The following REV1 variants were observed in gnomAD, a reference collection of about 807,000 sequenced individuals.
REV1 encodes translesion synthesis protein REV1.
In REV1, 42 loss-of-function variants were observed where a neutral mutation model predicts 137.4. The ratio of observed to expected loss-of-function variants is 0.31; its 90% CI spans 0.24 to 0.40. The LOEUF is 0.40. REV1 is among the 10% of genes least tolerant of loss of function. The probability of loss-of-function intolerance (pLI) is 1.00; values close to 1 mark genes in which losing one functional copy is unlikely to be tolerated. For missense variants in REV1, 1,282 were observed against 1,490.1 expected (o/e 0.86, Z 2.30); for synonymous variants, 524 against 519.2 (o/e 1.01, Z -0.12).
At chr2:99,409,668 A>T (rs1204682160) in intron 14 of REV1, among the ~76,000 whole-genome samples, 1 of 152,036 alleles carries the variant, frequency 6.6e-6, no homozygotes, top group Non-Finnish European at 1.5e-5. Context: ...ACATAGTGAA[A>T]CCCTATCTCT....
At chr2:99,453,296 T>C (rs1301353217) in intron 3 of REV1, among the ~76,000 whole-genome samples, 3 of 150,780 alleles carry the variant, frequency 2.0e-5, no homozygotes, top group African/African-American at 2.4e-5. Context: ...GAGGTAGAGG[T>C]TGCAATGAGC....
chr2:99,430,868 T>A (rs1416059568), intron 8 of REV1, among the ~76,000 whole-genome samples: 1 of 151,762 alleles, frequency 6.6e-6, no homozygotes, highest in Non-Finnish European at 1.5e-5. Context: ...AAAAAAAAAA[T>A]CACATTCTAA....
rs569622818 is a variant in REV1 at position 99,403,979 on chromosome 2, TAGAGCAAGAATAAGGAATTA to T, written c.3046-184_3046-165del. 5.5e-3 allele frequency among the ~76,000 whole-genome samples: 841 copies of T among 152,310 alleles called. 9 individuals are homozygous for T. Among genetic ancestry groups the T allele is most frequent in the African/African-American group, 0.019 (787 of 41,562 alleles). ...AAGCTGATTAAATCTTCAAAATGGT[TAGAGCAAGAATAAGGAATTA>T]AGAGCAAGAATAAGGAATTAAGAGT... On this transcript the variant is annotated intron_variant, in intron 18 of 22. Coordinates refer to ENST00000258428, the MANE Select transcript of REV1 (RefSeq NM_016316.4).
At chr2:99,477,991 G>C (rs1335100202) in intron 1 of REV1, among the ~76,000 whole-genome samples, 3 of 152,216 alleles carry the variant, frequency 2.0e-5, no homozygotes, top group Non-Finnish European at 4.4e-5. Flanking sequence ...CCAAGACTTT[G>C]GGAGGCCAAG....
chr2:99,456,800 T>C (rs1313863942), intron 3 of REV1, among the ~76,000 whole-genome samples: 2 of 152,206 alleles, frequency 1.3e-5, no homozygotes, highest in African/African-American at 4.8e-5. Context: ...TCTTAATGAA[T>C]GAATATACTT....
chr2:99,412,093 C>T (rs28382945), intron 13 of REV1, among the ~76,000 whole-genome samples: 25,025 of 151,214 alleles, frequency 0.17, 2,608 homozygotes, highest in African/African-American at 0.28. Flanking sequence ...ATTAGCCGGG[C>T]GTGGTGGCGG....
intron 1 of REV1, among the ~76,000 whole-genome samples, chr2:99,465,753 T>C (rs928695649): frequency 1.3e-5 from 2 of 152,198 alleles, no homozygotes; most frequent in Non-Finnish European, 2.9e-5. Flanking sequence ...TAATATGACT[T>C]CTATTAAGAT....
intron 1 of REV1, among the ~76,000 whole-genome samples, chr2:99,485,535 C>A (rs993928631): frequency 6.6e-6 from 1 of 152,168 alleles, no homozygotes; most frequent in Non-Finnish European, 1.5e-5. Context: ...TCTGAAGACA[C>A]GAAGCCTCCA....
At chr2:99,462,868 A>C (rs1402160205) in intron 2 of REV1, 1 of 323,286 alleles carries the variant, frequency 3.1e-6, no homozygotes, top group Non-Finnish European at 5.5e-6. Flanking sequence ...CAGGCGGATC[A>C]CCTGAGATCA....
At chr2:99,457,785 T>C (rs983160368) in intron 3 of REV1, among the ~76,000 whole-genome samples, 1 of 151,980 alleles carries the variant, frequency 6.6e-6, no homozygotes, top group Non-Finnish European at 1.5e-5. Context: ...CTACCTGATA[T>C]CAAGGCTTAC....
chr2:99,432,929 C>G (rs1344681274), intron 8 of REV1, among the ~76,000 whole-genome samples: 1 of 152,108 alleles, frequency 6.6e-6, no homozygotes, highest in Non-Finnish European at 1.5e-5. Flanking sequence ...GGAATGTGAG[C>G]TTGTCAAGGT....
At chr2:99,409,866 C>CA (rs1193588027) in intron 14 of REV1, among the ~76,000 whole-genome samples, 10 of 92,830 alleles carry the variant, frequency 1.1e-4, no homozygotes, top group Admixed American at 3.3e-4. Flanking sequence ...CCCCCCCCCC[C>CA]CAAAAAAAAC....
At position 99,438,733 on chromosome 2, in the gene REV1, T is replaced by G. The variant is rs972707259; in HGVS notation, c.1081A>C (p.Ile361Leu). 1 of 1,614,008 alleles carries G rather than the reference T, an allele frequency of 6.2e-7. No homozygotes were observed. Among genetic ancestry groups the G allele is most frequent in the African/African-American group, 1.3e-5 (1 of 74,930 alleles). Reference protein sequence around the residue: ...NFYSHSRLHHISMWKCELTEF... With the variant: ...NFYSHSRLHHLSMWKCELTEF... ...GTCAATTCACACTTCCACATTGATA[T>G]GTGATGCAGTCTTGAATGAGAATAG... The change falls in exon 6 of 23, where the codon ATA becomes CTA. Residue 361 changes from isoleucine to leucine, a missense_variant. Around this residue, in one of 7 missense-constraint regions of REV1, gnomAD observed 432 missense variants for 438.0 expected, o/e 0.99. Coordinates refer to ENST00000258428, the MANE Select transcript of REV1 (RefSeq NM_016316.4).
At chr2:99,406,939 A>T (rs2104401605) in intron 15 of REV1, 1 of 152,580 alleles carries the variant, frequency 6.6e-6, no homozygotes, top group South Asian at 2.1e-4. Flanking sequence ...AGACCCCTCC[A>T]TAAAGTGCCA....
intron 14 of REV1, among the ~76,000 whole-genome samples, chr2:99,408,897 A>C (rs2104431287): frequency 6.6e-6 from 1 of 152,350 alleles, no homozygotes; most frequent in African/African-American, 2.4e-5. Context: ...AGGCCATTAA[A>C]CAAGAAATAT....
intron 1 of REV1, among the ~76,000 whole-genome samples, chr2:99,472,021 A>C (rs1036179241): frequency 6.6e-6 from 1 of 152,156 alleles, no homozygotes; most frequent in African/African-American, 2.4e-5. Flanking sequence ...AAAAAATCTG[A>C]AATAGAATTA....
intron 9 of REV1, 141 bp from the exon 10 acceptor site, chr2:99,424,421 A>G: frequency 1.1e-6 from 1 of 913,188 alleles, no homozygotes; most frequent in Non-Finnish European, 1.6e-6. Context: ...AAAGATAGGC[A>G]TTAAAATTTA....
Position 99,451,570 on chromosome 2 carries a change from C to A in REV1, c.182-2066G>T. ...TCTGAGTTTAATCTTAGCTTTCACACTCCTGAGTTGTGTGACTTTGGAGAA... is the reference window on the plus strand; with the variant it reads ...TCTGAGTTTAATCTTAGCTTTCACAATCCTGAGTTGTGTGACTTTGGAGAA... On this transcript the variant is annotated intron_variant, in intron 3 of 22. Coordinates refer to ENST00000258428, the MANE Select transcript of REV1 (RefSeq NM_016316.4). 2.9e-6 allele frequency: 3 copies of A among 1,024,108 alleles called. 1 individual carries two copies. The South Asian group carries it at 4.0e-5, about 14-fold the overall frequency. 63.4% of individuals were successfully genotyped at this position (1,024,108 alleles called of 1,614,324 possible).
At chr2:99,432,029 T>A (rs2104740715) in intron 8 of REV1, 1 of 487,320 alleles carries the variant, frequency 2.1e-6, no homozygotes, top group Non-Finnish European at 2.7e-6. Flanking sequence ...AAGTTGTCGA[T>A]GGGATAGAAA....
Sources: gnomAD v4.1 joint callset for allele counts (sites outside exome capture counted in the v4.1 genomes callset) on GRCh38, gnomAD v4.1.1 for gene constraint, gnomAD v4.1.1 regional missense constraint, MANE v1.5 for transcripts, NCBI Gene and HGNC (gene_info 2026-07-23, HGNC 2026-07-21) for gene names.